NTRK3: variants seen among roughly 807,000 people sequenced by gnomAD.
The protein encoded by NTRK3 is neurotrophic receptor tyrosine kinase 3, also known as NT-3 growth factor receptor.
NTRK3 carries 24 observed loss-of-function variants against 91.7 expected under a neutral mutation model. The ratio of observed to expected loss-of-function variants is 0.26; its 90% CI spans 0.19 to 0.37. The LOEUF is 0.37. Ranked by LOEUF, NTRK3 falls within the 10% of genes least tolerant of loss-of-function variation. NTRK3 has a pLI of 1.00. For synonymous variants in NTRK3, 483 were observed against 404.0 expected, an observed-to-expected ratio of 1.20 and a Z score of -2.34; for missense variants, 880 against 1,068.9, an observed-to-expected ratio of 0.82 and a Z score of 2.46.
At chr15:87,879,975 C>T (rs1258544160) in intron 18 of NTRK3, among the ~76,000 whole-genome samples, 1 of 152,108 alleles carries the variant, frequency 6.6e-6, no homozygotes, top group Non-Finnish European at 1.5e-5. Context: ...GTTCTGTTTT[C>T]CTTTTTTGTC....
rs1228142747 is a variant in NTRK3, at chr15:88,020,201, GAATC to G, written c.1585+12652_1585+12655del. Among the ~76,000 whole-genome samples, 2 of 152,124 alleles carry G rather than the reference GAATC, an allele frequency of 1.3e-5. 1 individual carries two copies. The highest frequency in any genetic ancestry group is 2.9e-5 in the Non-Finnish European group (2 of 68,016). ...ATGACAAAGGGAAGGGTGAAACAAA[GAATC>G]AATCAAACAAAAACACAAACAAAAG... On this transcript the variant is annotated intron_variant, in intron 14 of 18. Transcript: ENST00000394480.
chr15:87,864,329 T>C, exon 19 of NTRK3: 1 of 231,660 alleles, frequency 4.3e-6, no homozygotes, highest in East Asian at 6.1e-5. Flanking sequence ...ATACAATCAA[T>C]CTTTTCTAGC....
At position 87,956,421 on chromosome 15, in the gene NTRK3, G is replaced by A. The variant is rs570666757; in HGVS notation, c.1586-15668C>T. On this transcript the variant is annotated intron_variant, in intron 14 of 18. Coordinates refer to ENST00000394480, the Ensembl canonical transcript of NTRK3. ...CCTGAGTAGCTGAGATTACAGGCAC[G>A]TGCCACCACGCTCAGCTAATGTTTG... Among the ~76,000 whole-genome samples the A allele has an allele frequency of 9.9e-4, 150 of 152,240 alleles. 1 individual carries two copies. The highest frequency in any genetic ancestry group is 3.1e-3 in the African/African-American group (128 of 41,538).
intron 13 of NTRK3, among the ~76,000 whole-genome samples, chr15:88,046,665 G>C (rs886096723): frequency 2.0e-5 from 3 of 152,068 alleles, no homozygotes; most frequent in Non-Finnish European, 2.9e-5. Context: ...GTTTTCTCAG[G>C]GGGGGTCACC....
At chr15:88,012,926 T>A (rs1410147603) in intron 14 of NTRK3, among the ~76,000 whole-genome samples, 1 of 152,246 alleles carries the variant, frequency 6.6e-6, no homozygotes, top group Non-Finnish European at 1.5e-5. Flanking sequence ...CAGTTAATGC[T>A]GATGCTGCTG....
rs140767107 is a variant in NTRK3 at position 88,202,691 on chromosome 15, TG to T, written c.249-18393del. ...AAGCCCATCTCCTCACCATGACCTGTGCAGCTGCACAGAGTGCTGTCCTGGA... is the reference window on the plus strand; with the variant it reads ...AAGCCCATCTCCTCACCATGACCTGTCAGCTGCACAGAGTGCTGTCCTGGA... On this transcript the variant is annotated intron_variant, in intron 3 of 18. Coordinates refer to ENST00000394480, the Ensembl canonical transcript of NTRK3. Among the ~76,000 whole-genome samples, 570 of 152,310 alleles carry T rather than the reference TG, an allele frequency of 3.7e-3. 5 individuals carry two copies. The highest frequency in any genetic ancestry group is 6.0e-3 in the Non-Finnish European group (409 of 68,028).
chr15:87,898,728 G>A (rs751828454), intron 17 of NTRK3, among the ~76,000 whole-genome samples: 1 of 149,272 alleles, frequency 6.7e-6, no homozygotes, highest in Non-Finnish European at 1.5e-5. Context: ...GCTCACGCCT[G>A]TAATCCCAGC....
At chr15:87,957,707 A>AGTCTT (rs2071817181) in intron 14 of NTRK3, among the ~76,000 whole-genome samples, 1 of 152,238 alleles carries the variant, frequency 6.6e-6, no homozygotes, top group Admixed American at 6.5e-5. Context: ...AGAAGTGAGA[A>AGTCTT]ATAAGTCTTT....
chr15:88,030,408 TG>T, intron 14 of NTRK3, among the ~76,000 whole-genome samples: 1 of 152,290 alleles, frequency 6.6e-6, no homozygotes, highest in East Asian at 1.9e-4. Context: ...CAGGCTTCCA[TG>T]GGGACACTTA....
chr15:87,894,497 T>C (rs955643653), intron 17 of NTRK3, among the ~76,000 whole-genome samples: 6 of 152,212 alleles, frequency 3.9e-5, no homozygotes, highest in African/African-American at 7.2e-5. Flanking sequence ...GGTCCTGCCC[T>C]GATCATTCCC....
intron 3 of NTRK3, among the ~76,000 whole-genome samples, chr15:88,214,635 C>G (rs760982867): frequency 2.1e-5 from 3 of 145,682 alleles, no homozygotes; most frequent in African/African-American, 7.7e-5. Flanking sequence ...GGGCTAGGAC[C>G]ATTTGAGCCA....
At chr15:87,979,159 C>T in intron 14 of NTRK3, 1 of 638,180 alleles carries the variant, frequency 1.6e-6, no homozygotes, top group Non-Finnish European at 2.8e-6. Flanking sequence ...AAGGGGCAAC[C>T]CTGCCAGTGG....
intron 14 of NTRK3, among the ~76,000 whole-genome samples, chr15:87,941,811 G>C (rs765457331): frequency 6.6e-6 from 1 of 152,224 alleles, no homozygotes; most frequent in Non-Finnish European, 1.5e-5. Flanking sequence ...AGAATGCTAC[G>C]AAGGAGTTGT....
chr15:88,069,243 T>G (rs1189684692), intron 13 of NTRK3, among the ~76,000 whole-genome samples: 1 of 152,168 alleles, frequency 6.6e-6, no homozygotes, highest in Non-Finnish European at 1.5e-5. Context: ...CAATCCAAAG[T>G]GGCATCACCA....
At chr15:88,180,491 C>A (rs2046356833) in intron 5 of NTRK3, among the ~76,000 whole-genome samples, 1 of 152,152 alleles carries the variant, frequency 6.6e-6, no homozygotes, top group Non-Finnish European at 1.5e-5. Flanking sequence ...TTGGCCAAAA[C>A]TTTGTCAATT....
At chr15:88,169,551 T>C (rs1259056867) in intron 5 of NTRK3, among the ~76,000 whole-genome samples, 1 of 152,146 alleles carries the variant, frequency 6.6e-6, no homozygotes, top group African/African-American at 2.4e-5. Flanking sequence ...TATGAATCAC[T>C]CTGCTGCCTC....
At chr15:88,140,656 T>A (rs1171927033) in intron 6 of NTRK3, among the ~76,000 whole-genome samples, 1 of 152,254 alleles carries the variant, frequency 6.6e-6, no homozygotes, top group Non-Finnish European at 1.5e-5. Context: ...ATCAGAGCAA[T>A]GATGTTATCA....
intron 5 of NTRK3, among the ~76,000 whole-genome samples, chr15:88,153,927 A>G (rs768700623): frequency 6.6e-5 from 10 of 151,970 alleles, no homozygotes; most frequent in Non-Finnish European, 1.0e-4. Context: ...GGGCACATAA[A>G]TATTCAGATC....
rs576789378 is a variant in NTRK3, at chr15:88,045,670, A to T, written c.1397-12625T>A. On this transcript the variant is annotated intron_variant, in intron 13 of 18. Transcript: ENST00000394480. ...GCAGTTGGAAATCAAGGTACCAGCC[A>T]GGCCATGGTCCCTGAGACTCTGGAT... 7.9e-4 allele frequency among the ~76,000 whole-genome samples: 121 copies of T among 152,346 alleles called. 1 individual carries two copies. The highest frequency in any genetic ancestry group is 2.9e-3 in the African/African-American group (120 of 41,584).
Sources: gnomAD v4.1 joint callset for allele counts (sites outside exome capture counted in the v4.1 genomes callset) on GRCh38, gnomAD v4.1.1 for gene constraint, MANE v1.5 for transcripts, NCBI Gene and HGNC (gene_info 2026-07-23, HGNC 2026-07-21) for gene names.